ZNF567: variants seen among roughly 807,000 people sequenced by gnomAD.
The protein encoded by ZNF567 is zinc finger protein 567.
In ZNF567, 36 loss-of-function variants were observed where a neutral mutation model predicts 53.9. That is an observed-to-expected ratio of 0.67 (90% CI 0.51 to 0.88). The LOEUF (loss-of-function observed/expected upper bound fraction) is 0.88. ZNF567 is among the 40% of genes least tolerant of loss of function. The probability of loss-of-function intolerance (pLI) is 0.00; values close to 1 mark genes in which losing one functional copy is unlikely to be tolerated. For synonymous variants in ZNF567, 224 were observed against 260.4 expected (o/e 0.86, Z 1.35); for missense variants, 619 against 764.7 (o/e 0.81, Z 2.25).
chr19:36,677,189 G>A, the ZNF567 span, among the ~76,000 whole-genome samples: 1 of 149,188 alleles, frequency 6.7e-6, no homozygotes, highest in Non-Finnish European at 1.5e-5. Flanking sequence ...GCTGGGTGTG[G>A]TGGCTCACGC....
intron 5 of ZNF567, among the ~76,000 whole-genome samples, chr19:36,716,348 A>G (rs2040065148): frequency 6.6e-6 from 1 of 152,190 alleles, no homozygotes; most frequent in Non-Finnish European, 1.5e-5. Context: ...TTTCTCTGTG[A>G]AATCTTCCTT....
At chr19:36,698,876 G>C (rs549392348) in intron 3 of ZNF567, among the ~76,000 whole-genome samples, 1 of 152,272 alleles carries the variant, frequency 6.6e-6, no homozygotes, top group Admixed American at 6.5e-5. Flanking sequence ...TAGGTTGCCT[G>C]TTCTCTCTGA....
At chr19:36,674,480 T>C in the ZNF567 span, among the ~76,000 whole-genome samples, 3 of 152,128 alleles carry the variant, frequency 2.0e-5, no homozygotes, top group Non-Finnish European at 4.4e-5. Context: ...TCTGTTGATG[T>C]TGGGTCTAAA....
chr19:36,678,285 CCT>C, the ZNF567 span, among the ~76,000 whole-genome samples: 1 of 152,174 alleles, frequency 6.6e-6, no homozygotes, highest in African/African-American at 2.4e-5. Flanking sequence ...CACCATCATG[CCT>C]CTGTGTCAGT....
downstream of ZNF567, chr19:36,727,011 C>CCT (rs2040337991): frequency 8.2e-5 from 2 of 24,334 alleles, no homozygotes; most frequent in Non-Finnish European, 2.1e-4. Context: ...TCTTTCTTTC[C>CCT]TTTTTTTTTT....
rs764612587 is a variant in ZNF567 at position 36,719,731 on chromosome 19, C to T, written c.1007C>T (p.Ser336Leu). The T allele has an allele frequency of 9.3e-6, 15 of 1,614,084 alleles. No individual in the cohort carries two copies. The highest frequency in any genetic ancestry group is 1.6e-4 in the Middle Eastern group (1 of 6,062). The change falls in exon 6 of 6, where the codon TCG (serine) becomes TTG (leucine). Residue 336 changes from serine (S) to leucine (L), a missense_variant. Physicochemically the swap from Ser to Leu is moderately radical, Grantham distance 145 (BLOSUM62 -2). Transcript: ENST00000682579. ...DHQRTHTGEK[S>L]YECLQCRNAF... ...CAGAGAACACACACAGGGGAGAAAT[C>T]GTATGAATGTCTGCAATGTAGGAAT...
At chr19:36,681,373 T>C in the ZNF567 span, among the ~76,000 whole-genome samples, 1 of 152,170 alleles carries the variant, frequency 6.6e-6, no homozygotes, top group Non-Finnish European at 1.5e-5. Context: ...TTGTGAATTG[T>C]TAATTTCTCT....
chr19:36,702,389 G>A (rs907523733), intron 3 of ZNF567, among the ~76,000 whole-genome samples: 7 of 151,628 alleles, frequency 4.6e-5, no homozygotes, highest in Admixed American at 1.3e-4. Flanking sequence ...CGGTGAATCT[G>A]ACAATTATGT....
the ZNF567 span, among the ~76,000 whole-genome samples, chr19:36,670,029 T>C: frequency 6.6e-6 from 1 of 152,236 alleles, no homozygotes; most frequent in Admixed American, 6.5e-5. Context: ...TTGCATTCTT[T>C]ATCACAATAA....
downstream of ZNF567, among the ~76,000 whole-genome samples, chr19:36,722,207 A>G (rs929074233): frequency 2.0e-5 from 3 of 152,216 alleles, no homozygotes; most frequent in South Asian, 2.1e-4. Flanking sequence ...CAACTTGAAC[A>G]GCATTATTGC....
At chr19:36,678,876 C>A in the ZNF567 span, among the ~76,000 whole-genome samples, 1 of 151,632 alleles carries the variant, frequency 6.6e-6, no homozygotes, top group Non-Finnish European at 1.5e-5. Flanking sequence ...ATACAAATAA[C>A]CCTATTAAAA....
downstream of ZNF567, among the ~76,000 whole-genome samples, chr19:36,726,082 A>G (rs556723994): frequency 2.0e-5 from 3 of 151,820 alleles, no homozygotes; most frequent in South Asian, 2.1e-4. Context: ...TTGTCCCTCC[A>G]TTTGAGTTTA....
At chr19:36,697,437 T>A (rs890678379) in intron 3 of ZNF567, among the ~76,000 whole-genome samples, 43 of 152,044 alleles carry the variant, frequency 2.8e-4, no homozygotes, top group African/African-American at 1.0e-3. Context: ...TTTTCTTTCT[T>A]TCTAATCTAT....
At chr19:36,704,489 T>C (rs1410106758) in intron 3 of ZNF567, among the ~76,000 whole-genome samples, 1 of 152,180 alleles carries the variant, frequency 6.6e-6, no homozygotes, top group African/African-American at 2.4e-5. Context: ...ATGGCTTTTT[T>C]CTTTTTTTAA....
the ZNF567 span, among the ~76,000 whole-genome samples, chr19:36,677,484 AG>A: frequency 1.5e-5 from 2 of 135,878 alleles, no homozygotes; most frequent in Admixed American, 1.5e-4. Context: ...AAAAAAAAAA[AG>A]GCCAGGCATG....
the ZNF567 span, among the ~76,000 whole-genome samples, chr19:36,672,637 T>G: frequency 1.3e-5 from 2 of 152,204 alleles, no homozygotes; most frequent in African/African-American, 2.4e-5. Context: ...AAGACCAACA[T>G]TGGCTCCCCA....
At chr19:36,705,463 A>G (rs550581441) in intron 3 of ZNF567, among the ~76,000 whole-genome samples, 1 of 152,282 alleles carries the variant, frequency 6.6e-6, no homozygotes, top group Non-Finnish European at 1.5e-5. Flanking sequence ...AATGTGTTTA[A>G]TTTCCAAATA....
At chr19:36,678,388 A>G in the ZNF567 span, among the ~76,000 whole-genome samples, 1 of 152,206 alleles carries the variant, frequency 6.6e-6, no homozygotes, top group Non-Finnish European at 1.5e-5. Flanking sequence ...ATACACACTG[A>G]GCATTAAAAT....
At position 36,718,936 on chromosome 19, in the gene ZNF567, ATTC is replaced by A; in HGVS notation, c.224-9_224-7del. 6.5e-7 allele frequency: 1 copy of A among 1,538,514 alleles called. No homozygotes were observed. The highest frequency in any genetic ancestry group is 1.3e-5 in the South Asian group (1 of 77,154). The stretch of plus-strand genomic sequence containing the variant: ...AGATTCACAAATTGTTATCAATTAT[ATTC>A]TTTTCTAGAAGAAAACTGGAAAGCT... On this transcript the variant is annotated splice_polypyrimidine_tract_variant and intron_variant, in intron 5 of 5. Transcript: ENST00000682579.
Sources: allele counts gnomAD v4.1 joint callset (sites outside exome capture counted in the v4.1 genomes callset), GRCh38; gene constraint gnomAD v4.1.1; transcripts MANE v1.5; gene names NCBI Gene and HGNC (gene_info 2026-07-23, HGNC 2026-07-21).